SYNPR: variants seen among roughly 807,000 people sequenced by gnomAD.
SYNPR encodes the protein synaptoporin.
In SYNPR, 23 loss-of-function variants were observed where a neutral mutation model predicts 32.9. The observed-to-expected ratio is 0.70, with a 90% confidence interval of 0.50 to 0.99. The LOEUF (loss-of-function observed/expected upper bound fraction) is 0.99, where lower values mean the gene tolerates loss of function less well. Among genes scored for constraint, SYNPR ranks in the 50% least tolerant of loss-of-function variants. The pLI is 0.00. For missense variants in SYNPR, 318 were observed against 349.3 expected (o/e 0.91, Z 0.71); for synonymous variants, 146 against 135.9 (o/e 1.07, Z -0.52).
chr3:63,355,483 T>A (rs1384592622), intron 2 of SYNPR, among the ~76,000 whole-genome samples: 5 of 152,096 alleles, frequency 3.3e-5, no homozygotes, highest in African/African-American at 1.2e-4. Context: ...GTCCTCATGG[T>A]CCTACTTCAC....
At chr3:63,555,001 T>C (rs1316428926) in intron 3 of SYNPR, among the ~76,000 whole-genome samples, 5 of 152,126 alleles carry the variant, frequency 3.3e-5, no homozygotes, top group Admixed American at 3.3e-4. Flanking sequence ...TGCTCTTGAT[T>C]TGACTCTCAG....
chr3:63,370,658 C>A (rs1480947990), intron 2 of SYNPR, among the ~76,000 whole-genome samples: 6 of 152,284 alleles, frequency 3.9e-5, no homozygotes, highest in African/African-American at 1.4e-4. Flanking sequence ...GGCATAATTT[C>A]TAGATGGATC....
chr3:63,583,262 A>T (rs1415267432), intron 4 of SYNPR, among the ~76,000 whole-genome samples: 6 of 151,936 alleles, frequency 3.9e-5, no homozygotes, highest in African/African-American at 4.8e-5. Flanking sequence ...TGGCTGTTTC[A>T]CTTCTTCTGT....
intron 3 of SYNPR, among the ~76,000 whole-genome samples, chr3:63,519,928 C>T (rs1413704747): frequency 6.6e-6 from 1 of 152,160 alleles, no homozygotes; most frequent in Non-Finnish European, 1.5e-5. Context: ...CCACTTCTAA[C>T]ATATTGTTTT....
At chr3:63,476,620 C>T (rs1700932355) in intron 2 of SYNPR, among the ~76,000 whole-genome samples, 1 of 152,014 alleles carries the variant, frequency 6.6e-6, no homozygotes, top group Non-Finnish European at 1.5e-5. Context: ...TCATTCTTCC[C>T]CCAACCATAG....
Position 63,434,214 on chromosome 3 carries a change from T to G in SYNPR, c.85-46618T>G, listed in dbSNP as rs576389668. ...CTGGAGGCATAGTGGTTTAACAGGG[T>G]TTTTTTAACTCAATTTGTTGAAAAG... On this transcript the variant is annotated intron_variant, in intron 2 of 5. Transcript: ENST00000478300. 1.2e-4 allele frequency among the ~76,000 whole-genome samples: 18 copies of G among 152,240 alleles called. 2 individuals are homozygous for G. In the South Asian group the frequency reaches 3.7e-3, roughly 32 times the overall value.
intron 4 of SYNPR, among the ~76,000 whole-genome samples, chr3:63,595,770 A>G (rs5019591): frequency 0.041 from 555 of 13,376 alleles, 22 homozygotes; most frequent in East Asian, 0.13. Context: ...TATATATATA[A>G]TTTTATATAT....
At chr3:63,284,976 C>T (rs959424040) in intron 2 of SYNPR, among the ~76,000 whole-genome samples, 9 of 152,174 alleles carry the variant, frequency 5.9e-5, no homozygotes, top group South Asian at 2.1e-4. Context: ...GAGGGAAATG[C>T]CAAAGCCAAG....
At chr3:63,340,724 A>G (rs1297110402) in intron 2 of SYNPR, among the ~76,000 whole-genome samples, 2 of 152,090 alleles carry the variant, frequency 1.3e-5, no homozygotes, top group Non-Finnish European at 1.5e-5. Flanking sequence ...CGGCCAATGT[A>G]CTTTATTTTT....
At chr3:63,396,317 C>T (rs530128479) in intron 2 of SYNPR, among the ~76,000 whole-genome samples, 1 of 152,066 alleles carries the variant, frequency 6.6e-6, no homozygotes, top group East Asian at 1.9e-4. Context: ...TCAAGAGCTC[C>T]GTTTCTGACA....
intron 2 of SYNPR, among the ~76,000 whole-genome samples, chr3:63,349,298 C>T (rs1455018836): frequency 6.6e-6 from 1 of 151,822 alleles, no homozygotes; most frequent in Non-Finnish European, 1.5e-5. Context: ...AGACGGGTTT[C>T]ACCATGTTGG....
chr3:63,299,391 T>A (rs2086821104), intron 2 of SYNPR, among the ~76,000 whole-genome samples: 1 of 152,154 alleles, frequency 6.6e-6, no homozygotes, highest in Non-Finnish European at 1.5e-5. Flanking sequence ...TTTTTGTTTT[T>A]TTGTTTTGTT....
intron 2 of SYNPR, among the ~76,000 whole-genome samples, chr3:63,291,214 C>T (rs770304667): frequency 1.6e-5 from 2 of 128,512 alleles, no homozygotes; most frequent in South Asian, 2.7e-4. Flanking sequence ...ATTTTACCTA[C>T]ATCAAAGGTG....
chr3:63,407,440 C>G (rs753187286), intron 2 of SYNPR, among the ~76,000 whole-genome samples: 2 of 152,122 alleles, frequency 1.3e-5, no homozygotes, highest in Non-Finnish European at 2.9e-5. Flanking sequence ...TCAAATCATC[C>G]TAGCTTCCTG....
At chr3:63,409,081 T>G (rs1225706737) in intron 2 of SYNPR, among the ~76,000 whole-genome samples, 2 of 152,118 alleles carry the variant, frequency 1.3e-5, no homozygotes, top group Non-Finnish European at 2.9e-5. Flanking sequence ...TCTGCAGCTT[T>G]CTTTCTTCTT....
chr3:63,483,479 A>C (rs1701086504), intron 3 of SYNPR, among the ~76,000 whole-genome samples: 1 of 152,200 alleles, frequency 6.6e-6, no homozygotes, highest in African/African-American at 2.4e-5. Flanking sequence ...GGATACAGAC[A>C]AACAGTTAAC....
intron 3 of SYNPR, among the ~76,000 whole-genome samples, chr3:63,544,968 G>A (rs933137354): frequency 1.3e-5 from 2 of 151,218 alleles, no homozygotes; most frequent in African/African-American, 2.4e-5. Flanking sequence ...CATGAGACTC[G>A]TCCAAGGTCA....
At position 63,414,021 on chromosome 3, in the gene SYNPR, TATAGAG is replaced by T. The variant is rs2088504962; in HGVS notation, c.85-66809_85-66804del. ...ATAAATATATATACATATATATATA[TATAGAG>T]AGAGAGAGAGACAGAGAGGGAGAGA... is the stretch of plus-strand genomic sequence containing the variant. On this transcript the variant is annotated intron_variant, in intron 2 of 5. Transcript: ENST00000478300. Among the ~76,000 whole-genome samples, 3 of 148,736 alleles carry T rather than the reference TATAGAG, an allele frequency of 2.0e-5. No homozygotes were observed. In the South Asian group the frequency reaches 6.4e-4, roughly 32 times the overall value.
chr3:63,556,524 C>T lies in SYNPR; in HGVS notation c.210-19C>T. ...CTCCATTGCATTTAAAGAATGTCTC[C>T]TTAAATCTGGCAATTTAGGTTGCAC... On this transcript the variant is annotated intron_variant, in intron 3 of 5. Transcript: ENST00000478300. 6.3e-7 allele frequency: 1 copy of T among 1,597,158 alleles called. No homozygotes were observed. The highest frequency in any genetic ancestry group is 8.5e-7 in the Non-Finnish European group (1 of 1,170,994).
Sources: gnomAD v4.1 joint callset for allele counts (sites outside exome capture counted in the v4.1 genomes callset) on GRCh38, gnomAD v4.1.1 for gene constraint, MANE v1.5 for transcripts, NCBI Gene and HGNC (gene_info 2026-07-23, HGNC 2026-07-21) for gene names.